Variants in RAB3IP observed in about 807,000 individuals in gnomAD.
The protein encoded by RAB3IP is rab-3A-interacting protein.
A neutral mutation model predicts 59.1 loss-of-function variants in RAB3IP; 36 were observed. The ratio of observed to expected loss-of-function variants is 0.61; its 90% CI spans 0.47 to 0.80. The LOEUF is 0.80. Ranked by LOEUF, RAB3IP falls within the 30% of genes least tolerant of loss-of-function variation. The pLI, the probability that RAB3IP is intolerant of heterozygous loss-of-function variation, is 0.00. For missense variants in RAB3IP, 511 were observed against 536.0 expected, an observed-to-expected ratio of 0.95 and a Z score of 0.46; for synonymous variants, 207 against 191.2, an observed-to-expected ratio of 1.08 and a Z score of -0.68.
intron 8 of RAB3IP, among the ~76,000 whole-genome samples, chr12:69,804,321 C>A (rs1021012857): frequency 6.6e-6 from 1 of 152,086 alleles, no homozygotes; most frequent in Non-Finnish European, 1.5e-5. Context: ...CTGTTCATAT[C>A]CTTTGCCCAC....
At chr12:69,758,236 G>T (rs573714297) in intron 3 of RAB3IP, among the ~76,000 whole-genome samples, 30 of 152,204 alleles carry the variant, frequency 2.0e-4, no homozygotes, top group Admixed American at 1.6e-3. Flanking sequence ...TATAGATAGT[G>T]TACAGTTAGG....
At chr12:69,807,635 C>T (rs1879647072) in intron 8 of RAB3IP, among the ~76,000 whole-genome samples, 2 of 148,192 alleles carry the variant, frequency 1.3e-5, no homozygotes, top group Middle Eastern at 7.4e-3. Context: ...CTCCTTACCT[C>T]CCAGACGAAG....
intron 6 of RAB3IP, among the ~76,000 whole-genome samples, chr12:69,799,268 G>A (rs1878004087): frequency 6.6e-6 from 1 of 152,194 alleles, no homozygotes; most frequent in Non-Finnish European, 1.5e-5. Flanking sequence ...GCTGTAGTCA[G>A]TGCATCATTT....
At chr12:69,752,511 CT>C (rs1486033442) in intron 1 of RAB3IP, among the ~76,000 whole-genome samples, 2 of 151,996 alleles carry the variant, frequency 1.3e-5, no homozygotes, top group Non-Finnish European at 2.9e-5. Flanking sequence ...CAGTTTTTTG[CT>C]ATTACGAAGA....
chr12:69,770,438 TTATAC>T (rs1393557824), intron 3 of RAB3IP, among the ~76,000 whole-genome samples: 3 of 152,254 alleles, frequency 2.0e-5, no homozygotes, highest in Non-Finnish European at 4.4e-5. Context: ...TAAATAGTTG[TTATAC>T]TGTATTGTCT....
In RAB3IP at chr12:69,805,153, G is replaced by A. The variant is rs533492963; in HGVS notation, c.1130+3432G>A. Among the ~76,000 whole-genome samples, 673 of 152,220 alleles carry A rather than the reference G, an allele frequency of 4.4e-3. 5 individuals carry two copies. The highest frequency in any genetic ancestry group is 0.016 in the African/African-American group (651 of 41,524). On this transcript the variant is annotated intron_variant, in intron 8 of 10. Transcript: ENST00000247833. ...GCATTGAATGTTCTTCCATTTGTTT[G>A]TATCCTCTTTTATTTCATTGAGCAG...
At chr12:69,768,026 A>G (rs560335421) in intron 3 of RAB3IP, among the ~76,000 whole-genome samples, 25 of 152,286 alleles carry the variant, frequency 1.6e-4, no homozygotes, top group African/African-American at 6.0e-4. Flanking sequence ...CCCCTCCACC[A>G]GGATATCTGC....
chr12:69,809,041 T>C (rs1592623546), intron 8 of RAB3IP, among the ~76,000 whole-genome samples: 1 of 151,750 alleles, frequency 6.6e-6, no homozygotes, highest in South Asian at 2.1e-4. Context: ...CTGGTACCGG[T>C]TGTTCCTTTC....
chr12:69,761,108 T>A (rs1871241973), intron 3 of RAB3IP, among the ~76,000 whole-genome samples: 1 of 152,214 alleles, frequency 6.6e-6, no homozygotes, highest in South Asian at 2.1e-4. Context: ...TTTTCCTCAC[T>A]GTGTTTCATT....
At chr12:69,806,573 T>TG (rs1448553559) in intron 8 of RAB3IP, among the ~76,000 whole-genome samples, 1 of 145,936 alleles carries the variant, frequency 6.9e-6, no homozygotes, top group Non-Finnish European at 1.5e-5. Context: ...TTCTCTAGTT[T>TG]TTTTTTTTTT....
chr12:69,758,595 A>AAAACTTTCT (rs1870606057), intron 3 of RAB3IP, among the ~76,000 whole-genome samples: 4 of 152,046 alleles, frequency 2.6e-5, no homozygotes, highest in African/African-American at 9.7e-5. Context: ...TTGTGCAATA[A>AAAACTTTCT]TTGTTGTATG....
At chr12:69,787,856 A>G (rs529204341) in intron 4 of RAB3IP, among the ~76,000 whole-genome samples, 1 of 152,312 alleles carries the variant, frequency 6.6e-6, no homozygotes, top group African/African-American at 2.4e-5. Context: ...GTAGTGTTCT[A>G]TATGAACATA....
At chr12:69,813,379 A>C (rs1234522240) in intron 10 of RAB3IP, among the ~76,000 whole-genome samples, 2 of 152,206 alleles carry the variant, frequency 1.3e-5, no homozygotes, top group African/African-American at 4.8e-5. Flanking sequence ...GATGAAAATG[A>C]GTAGGCCAGC....
At chr12:69,768,187 A>G (rs966378338) in intron 3 of RAB3IP, among the ~76,000 whole-genome samples, 1 of 151,988 alleles carries the variant, frequency 6.6e-6, no homozygotes, top group African/African-American at 2.4e-5. Flanking sequence ...CTGCTGAACC[A>G]GATGCACAGG....
intron 3 of RAB3IP, among the ~76,000 whole-genome samples, chr12:69,768,258 G>T (rs1872550050): frequency 6.6e-6 from 1 of 152,072 alleles, no homozygotes; most frequent in Non-Finnish European, 1.5e-5. Context: ...CTGTACCACA[G>T]TCTATGTCCA....
At chr12:69,743,703 G>A (rs925586502) in intron 1 of RAB3IP, among the ~76,000 whole-genome samples, 4 of 152,172 alleles carry the variant, frequency 2.6e-5, no homozygotes, top group African/African-American at 9.7e-5. Flanking sequence ...TCTGAAGTTA[G>A]TCTGTTAAAA....
chr12:69,805,543 A>G lies in RAB3IP; in HGVS notation c.1130+3822A>G, dbSNP rs1879116575. ...AACTTCCAACACTATGTTGAATAGG[A>G]GTGGTGAGAGAGGGCATCCCTGTCT... On this transcript the variant is annotated intron_variant, in intron 8 of 10. Coordinates refer to ENST00000247833, the MANE Select transcript of RAB3IP (RefSeq NM_022456.5). Among the ~76,000 whole-genome samples, 3 of 151,930 alleles carry G rather than the reference A, an allele frequency of 2.0e-5. 1 individual carries two copies. The South Asian group carries it at 6.2e-4, about 32-fold the overall frequency.
intron 8 of RAB3IP, among the ~76,000 whole-genome samples, chr12:69,805,297 T>G (rs1879068814): frequency 1.3e-5 from 2 of 151,278 alleles, no homozygotes; most frequent in South Asian, 2.1e-4. Context: ...GCTCTCTGTT[T>G]GTCTGTTATT....
At chr12:69,762,756 CAAAAA>C (rs11445702) in intron 3 of RAB3IP, among the ~76,000 whole-genome samples, 172 of 76,772 alleles carry the variant, frequency 2.2e-3, no homozygotes, top group Middle Eastern at 0.011. Flanking sequence ...GACTCCGTCT[CAAAAA>C]AAAAAAAAAA....
Sources: gnomAD v4.1 joint callset for allele counts (sites outside exome capture counted in the v4.1 genomes callset) on GRCh38, gnomAD v4.1.1 for gene constraint, MANE v1.5 for transcripts, NCBI Gene and HGNC (gene_info 2026-07-23, HGNC 2026-07-21) for gene names.